TMCC3: variants seen among roughly 807,000 people sequenced by gnomAD.
The protein encoded by TMCC3 is transmembrane and coiled-coil domain protein 3.
A neutral mutation model predicts 40.2 loss-of-function variants in TMCC3; 28 were observed. The ratio of observed to expected loss-of-function variants is 0.70; its 90% CI spans 0.52 to 0.95. The LOEUF (loss-of-function observed/expected upper bound fraction) is 0.95. Ranked by LOEUF, TMCC3 falls within the 40% of genes least tolerant of loss-of-function variation. TMCC3 has a pLI of 0.00. For synonymous variants in TMCC3, 255 were observed against 248.5 expected, an observed-to-expected ratio of 1.03 and a Z score of -0.25; for missense variants, 554 against 615.2, an observed-to-expected ratio of 0.90 and a Z score of 1.05.
intron 1 of TMCC3, among the ~76,000 whole-genome samples, chr12:94,591,855 T>A (rs1406230335): frequency 6.6e-6 from 1 of 152,202 alleles, no homozygotes; most frequent in African/African-American, 2.4e-5. Context: ...GCAAAATGTC[T>A]AGCCAGAGTC....
intron 1 of TMCC3, among the ~76,000 whole-genome samples, chr12:94,626,116 G>A (rs942409631): frequency 1.3e-5 from 2 of 152,218 alleles, no homozygotes; most frequent in South Asian, 4.1e-4. Context: ...GAACGCATGT[G>A]TGAACGCAGA....
chr12:94,626,975 C>T (rs2068907262), intron 1 of TMCC3, among the ~76,000 whole-genome samples: 1 of 152,168 alleles, frequency 6.6e-6, no homozygotes, highest in African/African-American at 2.4e-5. Flanking sequence ...ATTCTCCTGG[C>T]TCAGCCTCCT....
chr12:94,582,624 T>C (rs990271798), intron 1 of TMCC3, 86 bp from the exon 2 acceptor site: 11 of 1,237,450 alleles, frequency 8.9e-6, no homozygotes, highest in Admixed American at 4.7e-5. Flanking sequence ...ACAAGATACA[T>C]ACATGAAGTC....
chr12:94,574,958 G>A (rs2068555271), intron 3 of TMCC3, among the ~76,000 whole-genome samples: 1 of 152,142 alleles, frequency 6.6e-6, no homozygotes, highest in African/African-American at 2.4e-5. Flanking sequence ...AAAATTAAGG[G>A]TGAATTCCAA....
intron 1 of TMCC3, among the ~76,000 whole-genome samples, chr12:94,583,356 T>C (rs2068618915): frequency 6.6e-6 from 1 of 151,590 alleles, no homozygotes; most frequent in South Asian, 2.1e-4. Context: ...AATACAAAAT[T>C]AGTTGGGCAT....
At chr12:94,626,654 A>T (rs2138872801) in intron 1 of TMCC3, among the ~76,000 whole-genome samples, 1 of 152,198 alleles carries the variant, frequency 6.6e-6, no homozygotes, top group East Asian at 1.9e-4. Context: ...CTCTGGGTAG[A>T]GAGGGACAAG....
chr12:94,642,764 T>G (rs1055384426), intron 1 of TMCC3, among the ~76,000 whole-genome samples: 8 of 152,246 alleles, frequency 5.3e-5, no homozygotes, highest in Non-Finnish European at 8.8e-5. Context: ...TAACCGAGCA[T>G]TTAGCAGGTG....
At chr12:94,576,018 T>A (rs1566313084) in intron 3 of TMCC3, among the ~76,000 whole-genome samples, 1 of 152,184 alleles carries the variant, frequency 6.6e-6, no homozygotes, top group South Asian at 2.1e-4. Context: ...CTTCAGATGA[T>A]CCTTCTACCT....
intron 3 of TMCC3, among the ~76,000 whole-genome samples, 168 bp downstream of exon 3, chr12:94,578,226 A>G (rs1037879237): frequency 2.0e-5 from 3 of 151,954 alleles, no homozygotes; most frequent in African/African-American, 7.3e-5. Context: ...TGTCTATAAC[A>G]TGAACTAGTG....
chr12:94,571,167 G>A lies in TMCC3; in HGVS notation c.*268C>T, dbSNP rs146934341. On this transcript the variant is annotated 3_prime_UTR_variant, in exon 4 of 4. Transcript: ENST00000261226. The stretch of plus-strand genomic sequence containing the variant: ...GTCTCAATATACAGAGGTTTACCAC[G>A]CTGGGCTGGTCAGGTGGGCAGGAAA... 1.7e-3 allele frequency: 823 copies of A among 472,410 alleles called. 10 individuals carry two copies. Among genetic ancestry groups the A allele is most frequent in the African/African-American group, 0.014 (733 of 51,490 alleles). The allele number at this position is 472,410 out of a possible 1,614,324, so 29.3% of individuals were successfully genotyped here. A position where few individuals can be genotyped will look rare whatever the true frequency, so the allele number is the denominator to read the frequency against.
At chr12:94,602,796 A>G (rs1222251170) in intron 1 of TMCC3, among the ~76,000 whole-genome samples, 1 of 152,088 alleles carries the variant, frequency 6.6e-6, no homozygotes, top group Non-Finnish European at 1.5e-5. Context: ...GACTATGGAC[A>G]TCCACATAAT....
intron 1 of TMCC3, among the ~76,000 whole-genome samples, chr12:94,617,116 TTC>T (rs1415309570): frequency 6.6e-6 from 1 of 152,176 alleles, no homozygotes; most frequent in Non-Finnish European, 1.5e-5. Flanking sequence ...AAAACCCCAC[TTC>T]TGTTTCATTC....
In TMCC3 at chr12:94,582,198, A is replaced by G. The variant is rs1264322206; in HGVS notation, c.419T>C (p.Leu140Pro). Residue 140 changes from leucine to proline, a missense_variant, in exon 2 of 4, where the codon CTC becomes CCC. Leu to Pro is a moderately conservative substitution (Grantham distance 98). Coordinates refer to ENST00000261226, the MANE Select transcript of TMCC3 (RefSeq NM_020698.4). ...GGCTCCATTCTGCTCGATCTCTCTG[A>G]GCTTTCGATGATACTGCTCTAACTT... Reference protein sequence around the residue: ...QKKLEQYHRKLREIEQNGASR... With the variant: ...QKKLEQYHRKPREIEQNGASR... The G allele has an allele frequency of 2.5e-6, 4 of 1,613,956 alleles. No homozygotes were observed. The highest frequency in any genetic ancestry group is 3.4e-6 in the Non-Finnish European group (4 of 1,180,024).
intron 3 of TMCC3, 111 bp downstream of exon 3, chr12:94,578,283 G>A (rs2068579201): frequency 7.9e-7 from 1 of 1,261,338 alleles, no homozygotes; most frequent in East Asian, 2.5e-5. Context: ...AAAACATTTT[G>A]TGCCATGTGC....
rs2068517033 is a variant in TMCC3 at position 94,569,951 on chromosome 12, TA to T, written c.*1483del. On this transcript the variant is annotated 3_prime_UTR_variant, in exon 4 of 4. Transcript: ENST00000261226. ...ATTGTTTCCATCTTCCTCTTTGTTATACACACAGAGACACAGATTTAAAGGA... is the reference window on the plus strand; with the variant it reads ...ATTGTTTCCATCTTCCTCTTTGTTATCACACAGAGACACAGATTTAAAGGA... The T allele has an allele frequency of 1.3e-5, 2 of 152,222 alleles. No individual in the cohort carries two copies. Among genetic ancestry groups the T allele is most frequent in the African/African-American group, 4.8e-5 (2 of 41,444 alleles). 9.4% of individuals were successfully genotyped at this position (152,222 alleles called of 1,614,324 possible). A position where few individuals can be genotyped will look rare whatever the true frequency, so the allele number is the denominator to read the frequency against.
chr12:94,573,291 C>T (rs1294678330), intron 3 of TMCC3, among the ~76,000 whole-genome samples: 10 of 152,166 alleles, frequency 6.6e-5, no homozygotes, highest in East Asian at 3.8e-4. Flanking sequence ...TCTCTCCACC[C>T]GGTCAGCACC....
At chr12:94,629,371 C>A (rs1374487178) in intron 1 of TMCC3, among the ~76,000 whole-genome samples, 2 of 152,156 alleles carry the variant, frequency 1.3e-5, no homozygotes, top group Non-Finnish European at 2.9e-5. Flanking sequence ...TTGGGAGGAT[C>A]CATGAGAAGC....
chr12:94,642,024 T>C (rs2068993770), intron 1 of TMCC3, among the ~76,000 whole-genome samples: 1 of 152,028 alleles, frequency 6.6e-6, no homozygotes, highest in South Asian at 2.1e-4. Context: ...TGTAAATAAA[T>C]TCAGAAGAAG....
At chr12:94,588,512 AG>A (rs1335509767) in intron 1 of TMCC3, among the ~76,000 whole-genome samples, 1 of 152,228 alleles carries the variant, frequency 6.6e-6, no homozygotes, top group African/African-American at 2.4e-5. Flanking sequence ...TTTGAGCCTC[AG>A]GCATTACAAG....
Sources: gnomAD v4.1 joint callset for allele counts (sites outside exome capture counted in the v4.1 genomes callset) on GRCh38, gnomAD v4.1.1 for gene constraint, MANE v1.5 for transcripts, NCBI Gene and HGNC (gene_info 2026-07-23, HGNC 2026-07-21) for gene names.